The following CDHR3 variants were observed in gnomAD, a reference collection of about 807,000 sequenced individuals.
CDHR3 encodes the protein cadherin-related family member 3.
Under a neutral mutation model 86.6 loss-of-function variants are expected in CDHR3, and 79 were observed. The ratio of observed to expected loss-of-function variants is 0.91; its 90% CI spans 0.76 to 1.10. The LOEUF is 1.10. Ranked by LOEUF, CDHR3 falls within the 50% of genes least tolerant of loss-of-function variation. The probability of loss-of-function intolerance (pLI) is 0.00; values close to 1 mark genes in which losing one functional copy is unlikely to be tolerated. For missense variants in CDHR3, 1,081 were observed against 1,077.6 expected, an observed-to-expected ratio of 1.00 and a Z score of -0.04; for synonymous variants, 421 against 402.4, an observed-to-expected ratio of 1.05 and a Z score of -0.55.
intron 15 of CDHR3, 87 bp from the exon 16 acceptor site, chr7:106,026,595 G>A: frequency 7.1e-7 from 1 of 1,403,318 alleles, no homozygotes; most frequent in Non-Finnish European, 1.0e-6. Flanking sequence ...AAAGGGCATA[G>A]TTGCCCAAAG....
intron 1 of CDHR3, among the ~76,000 whole-genome samples, chr7:105,968,356 CTTTTT>C (rs201809376): frequency 6.6e-6 from 1 of 151,810 alleles, no homozygotes; most frequent in East Asian, 1.9e-4. Flanking sequence ...TTCTTTCTTT[CTTTTT>C]TTTATTTTTT....
chr7:105,996,278 A>G lies in CDHR3; in HGVS notation c.637A>G (p.Ser213Gly). 1 of 1,595,140 alleles carries G rather than the reference A, an allele frequency of 6.3e-7. No individual in the cohort carries two copies. The highest frequency in any genetic ancestry group is 1.1e-5 in the South Asian group (1 of 90,376). The change falls in exon 6 of 19, where the codon AGT becomes GGT. Residue 213 changes from serine (S) to glycine (G), a missense_variant. Transcript: ENST00000317716. Reference sequence around the variant, plus strand: ...CCATCTCATCGTGGAGGTGAGGGACAGTGGAGGCCTCAAAGCCTCCACAGA... The same window carrying G: ...CCATCTCATCGTGGAGGTGAGGGACGGTGGAGGCCTCAAAGCCTCCACAGA... ...SFHLIVEVRD[S>G]GGLKASTELQ...
rs1215661467 is a variant in CDHR3 at position 106,015,952 on chromosome 7, A to G, written c.1353A>G (p.Thr451=). The change falls in exon 11 of 19, where the codon ACA becomes ACG. Residue 451 remains threonine, a synonymous_variant. Transcript: ENST00000317716. ...ATAACGTCTACGTTTATATCCTAAC[A>G]AGCCCAGAAAATGAGTTTCCTCTCA... ...YKNNVYVYIL[T]SPENEFPLIF... The G allele has an allele frequency of 6.2e-7, 1 of 1,612,888 alleles. No homozygotes were observed. The highest frequency in any genetic ancestry group is 8.5e-7 in the Non-Finnish European group (1 of 1,179,164).
intron 1 of CDHR3, among the ~76,000 whole-genome samples, chr7:105,966,999 C>A (rs532161323): frequency 4.0e-4 from 61 of 151,794 alleles, no homozygotes; most frequent in Non-Finnish European, 7.5e-4. Flanking sequence ...TACAGGTGCA[C>A]AATGTTCAGG....
chr7:106,011,492 G>T (rs1585753786), intron 8 of CDHR3, among the ~76,000 whole-genome samples: 1 of 152,018 alleles, frequency 6.6e-6, no homozygotes, highest in African/African-American at 2.4e-5. Flanking sequence ...TGTGAGTGAG[G>T]CCATCCTAGA....
chr7:105,981,063 C>G lies in CDHR3; in HGVS notation c.345C>G (p.Asp115Glu). 1 of 1,613,490 alleles carries G rather than the reference C, an allele frequency of 6.2e-7. No individual in the cohort carries two copies. The highest frequency in any genetic ancestry group is 8.5e-7 in the Non-Finnish European group (1 of 1,179,730). The change falls in exon 3 of 19, where the codon GAC becomes GAG. Residue 115 changes from aspartate to glutamate, a missense_variant. By Grantham distance (45) the Asp-to-Glu change is conservative (BLOSUM62 2). Coordinates refer to ENST00000317716, the MANE Select transcript of CDHR3 (RefSeq NM_152750.5). ...TGAAGGATGAGGTTGGTGTCACAGA[C>G]CTGCAAGTCCTGACTGTCCAGGTAA... is the stretch of plus-strand genomic sequence containing the variant. ...IYVKDEVGVT[D>E]LQVLTVQVTD...
chr7:105,991,026 A>G (rs1345734535), intron 4 of CDHR3, among the ~76,000 whole-genome samples: 1 of 152,220 alleles, frequency 6.6e-6, no homozygotes, highest in Non-Finnish European at 1.5e-5. Flanking sequence ...TGGTAAAGAA[A>G]TATTCCCAGC....
intron 4 of CDHR3, among the ~76,000 whole-genome samples, chr7:105,984,646 C>T (rs1830264668): frequency 6.6e-6 from 1 of 151,994 alleles, no homozygotes; most frequent in Non-Finnish European, 1.5e-5. Context: ...TGTATCAAAA[C>T]TGCTCAATAT....
At chr7:106,022,707 C>T (rs1836765164) in intron 14 of CDHR3, among the ~76,000 whole-genome samples, 2 of 152,200 alleles carry the variant, frequency 1.3e-5, no homozygotes, top group South Asian at 4.1e-4. Flanking sequence ...TGTGCAGAGA[C>T]TTGTGAGAGA....
chr7:106,031,925 T>C (rs1838435206), intron 18 of CDHR3, among the ~76,000 whole-genome samples: 1 of 152,254 alleles, frequency 6.6e-6, no homozygotes, highest in African/African-American at 2.4e-5. Context: ...GTCTACAAAT[T>C]GCTGCTAACC....
chr7:106,019,470 C>G (rs1836211460), intron 12 of CDHR3, among the ~76,000 whole-genome samples: 1 of 151,598 alleles, frequency 6.6e-6, no homozygotes, highest in Non-Finnish European at 1.5e-5. Flanking sequence ...TTCCCGGGCT[C>G]AGAAATAGCT....
At chr7:106,026,727 G>T (rs377331308) in intron 16 of CDHR3, 32 bp downstream of exon 16, 32 of 1,612,752 alleles carry the variant, frequency 2.0e-5, no homozygotes, top group Non-Finnish European at 2.0e-5. Flanking sequence ...CTTGTCTGTT[G>T]TTTTTTGCTT....
intron 8 of CDHR3, among the ~76,000 whole-genome samples, chr7:106,011,335 G>C (rs773303373): frequency 6.6e-6 from 1 of 152,072 alleles, no homozygotes; most frequent in Non-Finnish European, 1.5e-5. Context: ...ATGGCACAAC[G>C]GAGGCTTGAA....
At chr7:105,984,087 C>T in intron 3 of CDHR3, 105 bp from the exon 4 acceptor site, 1 of 551,742 alleles carries the variant, frequency 1.8e-6, no homozygotes, top group Middle Eastern at 2.8e-4. Flanking sequence ...TCCCACGATG[C>T]CAACACCCTT....
In CDHR3 at chr7:105,984,140, C is replaced by T. The variant is rs539667778; in HGVS notation, c.416-52C>T. The T allele has an allele frequency of 3.0e-5, 35 of 1,162,306 alleles. No homozygotes were observed. The African/African-American group carries it at 4.1e-4, about 14-fold the overall frequency. 72.0% of individuals were successfully genotyped at this position (1,162,306 alleles called of 1,614,324 possible). A position where few individuals can be genotyped will look rare whatever the true frequency, so the allele number is the denominator to read the frequency against. On this transcript the variant is annotated intron_variant, in intron 3 of 18. Transcript: ENST00000317716. ...ACAGCTGCCTTGATTTTGGAATTCC[C>T]CATTTTTGCTTTAATAAGATGTTTC...
Position 106,030,862 on chromosome 7 carries a change from T to A in CDHR3, c.2353+22T>A, listed in dbSNP as rs1838221671. The A allele has an allele frequency of 1.3e-6, 2 of 1,599,044 alleles. No homozygotes were observed. On this transcript the variant is annotated intron_variant, in intron 18 of 18. Transcript: ENST00000317716. The surrounding 1 kb of genome is among the most constrained non-coding windows in gnomAD (Gnocchi z 4.8). ...CCAGGTAATTAAGTGGCAATACCAC[T>A]GTAAGAATGCTTTTTATATTCCAGA... is the stretch of plus-strand genomic sequence containing the variant.
Position 105,973,121 on chromosome 7 carries a change from G to A in CDHR3, c.47-1723G>A, listed in dbSNP as rs544099396. Among the ~76,000 whole-genome samples the A allele has an allele frequency of 5.9e-5, 9 of 152,208 alleles. No homozygotes were observed. In the South Asian group the frequency reaches 1.9e-3, roughly 32 times the overall value. ...AGGGTTTTCTTCTCAGGGTCTGATGGTGGCTGAGATTGGGAAGCTGGCTGG... is the reference window on the plus strand; with the variant it reads ...AGGGTTTTCTTCTCAGGGTCTGATGATGGCTGAGATTGGGAAGCTGGCTGG... On this transcript the variant is annotated intron_variant, in intron 1 of 18. Transcript: ENST00000317716.
intron 6 of CDHR3, 21 bp downstream of exon 6, chr7:105,996,375 G>C: frequency 6.8e-7 from 1 of 1,467,766 alleles, no homozygotes; most frequent in Non-Finnish European, 9.5e-7. Flanking sequence ...GGGCATGCAG[G>C]ACTCCCTGGG....
chr7:105,980,030 C>A (rs1190491712), intron 2 of CDHR3, among the ~76,000 whole-genome samples: 1 of 152,156 alleles, frequency 6.6e-6, no homozygotes, highest in Non-Finnish European at 1.5e-5. Flanking sequence ...TCCTCGCATC[C>A]CTCCCACATC....
Sources: gnomAD v4.1 joint callset for allele counts (sites outside exome capture counted in the v4.1 genomes callset) on GRCh38, gnomAD v4.1.1 for gene constraint, Gnocchi (gnomAD v3.1) non-coding constraint, MANE v1.5 for transcripts, NCBI Gene and HGNC (gene_info 2026-07-23, HGNC 2026-07-21) for gene names.